DNAH5: variants seen among roughly 807,000 people sequenced by gnomAD.
The protein encoded by DNAH5 is dynein axonemal heavy chain 5, also known as axonemal beta dynein heavy chain 5.
Under a neutral mutation model 518.2 loss-of-function variants are expected in DNAH5, and 372 were observed. The ratio of observed to expected loss-of-function variants is 0.72; its 90% CI spans 0.66 to 0.78. The LOEUF is 0.78. Ranked by LOEUF, DNAH5 falls within the 30% of genes least tolerant of loss-of-function variation. DNAH5 has a pLI of 0.00. For synonymous variants in DNAH5, 2,039 were observed against 2,025.9 expected (o/e 1.01, Z -0.17); for missense variants, 5,523 against 5,687.0 (o/e 0.97, Z 0.93).
At chr5:13,786,932 A>G (rs1193427232) in intron 51 of DNAH5, among the ~76,000 whole-genome samples, 3 of 152,200 alleles carry the variant, frequency 2.0e-5, no homozygotes, top group African/African-American at 7.2e-5. Context: ...AAAATTAGAA[A>G]CATATAATAT....
At chr5:13,706,919 C>G (rs142855082) in intron 76 of DNAH5, among the ~76,000 whole-genome samples, 1 of 152,296 alleles carries the variant, frequency 6.6e-6, no homozygotes, top group East Asian at 1.9e-4. Context: ...GGCGAAGGCT[C>G]CACCCTCAGG....
Position 13,841,689 on chromosome 5 carries a change from G to A in DNAH5, c.5484+3C>T. The A allele has an allele frequency of 6.2e-7, 1 of 1,604,638 alleles. No homozygotes were observed. The highest frequency in any genetic ancestry group is 8.5e-7 in the Non-Finnish European group (1 of 1,171,506). ...ACATACTTTCAAATTTCAATACACT[G>A]ACCTGAGCAGGGAAGGATGAAAGAA... is the stretch of plus-strand genomic sequence containing the variant. On this transcript the variant is annotated splice_donor_region_variant and intron_variant, in intron 33 of 78. Transcript: ENST00000265104.
intron 17 of DNAH5, among the ~76,000 whole-genome samples, chr5:13,887,769 T>A (rs7735890): frequency 6.6e-6 from 1 of 151,832 alleles, no homozygotes; most frequent in African/African-American, 2.4e-5. Context: ...TCTCTCAACC[T>A]TCCACTGCCC....
At chr5:13,703,372 G>A (rs1742378602) in intron 76 of DNAH5, among the ~76,000 whole-genome samples, 1 of 147,004 alleles carries the variant, frequency 6.8e-6, no homozygotes, top group South Asian at 2.2e-4. Context: ...TAAGGAAACT[G>A]AGGCACAACA....
chr5:13,713,462 TATATACAC>T (rs1252415240), intron 75 of DNAH5, among the ~76,000 whole-genome samples: 50 of 125,804 alleles, frequency 4.0e-4, no homozygotes, highest in African/African-American at 1.8e-3. Flanking sequence ...TATATATATA[TATATACAC>T]ACACCGATAT....
In DNAH5 at chr5:13,729,634, T is replaced by G. The variant is rs893959931; in HGVS notation, c.11762-74A>C. ...AACAATCTATTTAGTAAAATTTGTATTATTTTAATTTCAGTTATTTTACTA... is the reference window on the plus strand; with the variant it reads ...AACAATCTATTTAGTAAAATTTGTAGTATTTTAATTTCAGTTATTTTACTA... On this transcript the variant is annotated intron_variant, in intron 68 of 78. Transcript: ENST00000265104. The G allele has an allele frequency of 1.2e-5, 16 of 1,343,558 alleles. No individual in the cohort carries two copies. In the African/African-American group the frequency reaches 2.2e-4, roughly 19 times the overall value. 83.2% of individuals were successfully genotyped at this position (1,343,558 alleles called of 1,614,324 possible).
rs1248798830 is a variant in DNAH5 at position 13,713,460 on chromosome 5, TATATATAC to T, written c.13125+937_13125+944del. ...ATATATATATATATATATATATATATATATATACACACACCGATATATATATATATATG... is the reference window on the plus strand; with the variant it reads ...ATATATATATATATATATATATATATACACACCGATATATATATATATATG... On this transcript the variant is annotated intron_variant, in intron 75 of 78. Transcript: ENST00000265104. Among the ~76,000 whole-genome samples, 668 of 131,610 alleles carry T rather than the reference TATATATAC, an allele frequency of 5.1e-3. 27 individuals carry two copies. The highest frequency in any genetic ancestry group is 0.018 in the African/African-American group (579 of 31,708). The allele number at this position is 131,610 out of a possible 152,430, so 86.3% of individuals were successfully genotyped here.
At chr5:13,964,976 C>T (rs1396026413) in intron 1 of DNAH5, among the ~76,000 whole-genome samples, 2 of 152,186 alleles carry the variant, frequency 1.3e-5, no homozygotes, top group African/African-American at 4.8e-5. Context: ...TACTGTGTTC[C>T]GTGAAAAATC....
In DNAH5 at chr5:13,984,410, AG is replaced by A. The variant is rs1223364371; in HGVS notation, c.12+27237del. ...TGAGACTTTGCTGAAGTTGCTTATC[AG>A]CTTAAGCAGATTTGGGGCTGAGACG... is the stretch of plus-strand genomic sequence containing the variant. On this transcript the variant is annotated intron_variant, in intron 1 of 78. Coordinates refer to the DNAH5 transcript ENST00000681290. Among the ~76,000 whole-genome samples, 4 of 152,236 alleles carry A rather than the reference AG, an allele frequency of 2.6e-5. No homozygotes were observed. The East Asian group carries it at 7.7e-4, about 29-fold the overall frequency.
chr5:13,914,554 TCAA>T lies in DNAH5; in HGVS notation c.1283_1285del (p.Val428del). On this transcript the variant is annotated inframe_deletion, in exon 10 of 79. Coordinates refer to ENST00000265104, the MANE Select transcript of DNAH5 (RefSeq NM_001369.3). The stretch of plus-strand genomic sequence containing the variant: ...TTTAATCGCAGATAGTATTTTTTCT[TCAA>T]CAACATCCTGTGGCTGGTTCCAGAT... 1.2e-6 allele frequency: 2 copies of T among 1,613,442 alleles called. No homozygotes were observed. The highest frequency in any genetic ancestry group is 1.7e-6 in the Non-Finnish European group (2 of 1,179,494).
Position 13,830,644 on chromosome 5 carries a change from T to C in DNAH5, c.6014A>G (p.Asn2005Ser), listed in dbSNP as rs1375968864. 2 of 1,614,200 alleles carry C rather than the reference T, an allele frequency of 1.2e-6. No homozygotes were observed. The highest frequency in any genetic ancestry group is 1.7e-6 in the Non-Finnish European group (2 of 1,180,032). The change falls in exon 36 of 79, where the codon AAT becomes AGT. Residue 2005 changes from asparagine to serine, a missense_variant. This residue lies in a region of DNAH5 where 5,121 missense variants were observed against 5,223.3 expected (regional missense o/e 0.98). Coordinates refer to ENST00000265104, the MANE Select transcript of DNAH5 (RefSeq NM_001369.3). ...TCGGAAATCCATCTGGTCTGAACAA[T>C]TGAAAACCACGACGTATTTCCCGAG... The part of the protein sequence containing the change: ...RCLGKYVVVF[N>S]CSDQMDFRGL...
At position 13,923,262 on chromosome 5, in the gene DNAH5, A is replaced by G. The variant is rs1483434845; in HGVS notation, c.438+18T>C. The stretch of plus-strand genomic sequence containing the variant: ...GTTTTTTGGTAATTCAGAGTAAACA[A>G]TGGCTCTTGCCCCTTACCTGGTGGA... On this transcript the variant is annotated intron_variant, in intron 4 of 78. Coordinates refer to ENST00000265104, the MANE Select transcript of DNAH5 (RefSeq NM_001369.3). The G allele has an allele frequency of 2.5e-6, 4 of 1,614,014 alleles. No individual in the cohort carries two copies. Among genetic ancestry groups the G allele is most frequent in the African/African-American group, 2.7e-5 (2 of 74,912 alleles).
rs1770021952 is a variant in DNAH5, at chr5:13,871,018, T to C, written c.3599-16A>G. 1.9e-6 allele frequency: 3 copies of C among 1,596,106 alleles called. No homozygotes were observed. The highest frequency in any genetic ancestry group is 2.6e-6 in the Non-Finnish European group (3 of 1,164,804). On this transcript the variant is annotated splice_polypyrimidine_tract_variant and intron_variant, in intron 23 of 78. Coordinates refer to ENST00000265104, the MANE Select transcript of DNAH5 (RefSeq NM_001369.3). ...TTCAAGTCAGCTGTAAAAACCCAAA[T>C]GTCTACAGTTCAGTTTTAAAAACTC...
chr5:13,940,233 C>T (rs1013885429), intron 1 of DNAH5, among the ~76,000 whole-genome samples: 1 of 152,092 alleles, frequency 6.6e-6, no homozygotes, highest in African/African-American at 2.4e-5. Flanking sequence ...TTTCTGCACA[C>T]CAAATTTCTG....
At chr5:13,923,587 A>AT in intron 3 of DNAH5, 147 bp from the exon 4 acceptor site, 1 of 851,050 alleles carries the variant, frequency 1.2e-6, no homozygotes, top group Admixed American at 2.1e-5. Flanking sequence ...AATCTCTAGC[A>AT]TGAGCCGTAC....
intron 29 of DNAH5, among the ~76,000 whole-genome samples, chr5:13,861,539 C>T (rs1450786399): frequency 2.6e-5 from 4 of 151,994 alleles, no homozygotes; most frequent in Admixed American, 6.6e-5. Flanking sequence ...TTCTGGGGAA[C>T]AAAAACATTA....
intron 35 of DNAH5, among the ~76,000 whole-genome samples, chr5:13,835,398 T>G (rs1292552048): frequency 6.6e-6 from 1 of 152,188 alleles, no homozygotes; most frequent in Non-Finnish European, 1.5e-5. Flanking sequence ...ATTTCTTTTC[T>G]AACAGAAAAG....
intron 21 of DNAH5, among the ~76,000 whole-genome samples, chr5:13,881,716 G>C (rs1349276334): frequency 2.6e-5 from 4 of 151,852 alleles, no homozygotes; most frequent in Non-Finnish European, 2.9e-5. Context: ...AAAATAAACA[G>C]CTAAGTCAAA....
intron 24 of DNAH5, among the ~76,000 whole-genome samples, 180 bp from the exon 25 acceptor site, chr5:13,868,172 G>C (rs1039617782): frequency 6.6e-6 from 1 of 152,130 alleles, no homozygotes; most frequent in Admixed American, 6.6e-5. Flanking sequence ...TTCAGCTATA[G>C]TTTCCTCATC....
Sources: allele counts gnomAD v4.1 joint callset (sites outside exome capture counted in the v4.1 genomes callset), GRCh38; gene constraint gnomAD v4.1.1; regional missense constraint gnomAD v4.1.1; transcripts MANE v1.5; gene names NCBI Gene and HGNC (gene_info 2026-07-23, HGNC 2026-07-21).